Variants in RTF1 observed in about 807,000 individuals in gnomAD.
The protein encoded by RTF1 is RNA polymerase-associated protein RTF1 homolog.
A neutral mutation model predicts 95.7 loss-of-function variants in RTF1; 10 were observed. The observed-to-expected ratio is 0.10, with a 90% confidence interval of 0.06 to 0.18. RTF1 has a LOEUF of 0.18. Among genes scored for constraint, RTF1 ranks in the 10% least tolerant of loss-of-function variants. The pLI, the probability that RTF1 is intolerant of heterozygous loss-of-function variation, is 1.00. For synonymous variants in RTF1, 305 were observed against 311.8 expected (o/e 0.98, Z 0.23); for missense variants, 458 against 875.6 (o/e 0.52, Z 6.02).
chr15:41,465,184 C>T (rs556769650), intron 5 of RTF1, among the ~76,000 whole-genome samples: 74 of 150,854 alleles, frequency 4.9e-4, no homozygotes, highest in Non-Finnish European at 8.9e-4. Flanking sequence ...TTCCTCTTCC[C>T]TTTCCCTGGT....
intron 1 of RTF1, among the ~76,000 whole-genome samples, chr15:41,429,468 A>G (rs978912709): frequency 6.8e-6 from 1 of 146,500 alleles, no homozygotes; most frequent in Non-Finnish European, 1.5e-5. Context: ...CTCTCTTTCC[A>G]GGAGTGCTCT....
chr15:41,422,328 G>A (rs2050606779), intron 1 of RTF1, among the ~76,000 whole-genome samples: 4 of 152,182 alleles, frequency 2.6e-5, no homozygotes, highest in Admixed American at 6.6e-5. Flanking sequence ...TAGTTTGAGA[G>A]TTTGAAAGCT....
In RTF1 at chr15:41,444,448, C is replaced by T. The variant is rs550816092; in HGVS notation, c.309+6017C>T. On this transcript the variant is annotated intron_variant, in intron 2 of 17. Transcript: ENST00000389629. ...AGCTGGGATTACAGGCGCCTGCCAC[C>T]ACGCCCGGCTAACTTTTTGTACTTT... 7.9e-5 allele frequency among the ~76,000 whole-genome samples: 12 copies of T among 152,092 alleles called. No homozygotes were observed. The East Asian group carries it at 1.4e-3, about 17-fold the overall frequency.
At position 41,480,911 on chromosome 15, in the gene RTF1, GC is replaced by G. The variant is rs2050969334; in HGVS notation, c.*226del. The G allele has an allele frequency of 1.8e-6, 1 of 561,230 alleles. No homozygotes were observed. The highest frequency in any genetic ancestry group is 1.9e-5 in the African/African-American group (1 of 53,154). 34.8% of individuals were successfully genotyped at this position (561,230 alleles called of 1,614,324 possible). A position where few individuals can be genotyped will look rare whatever the true frequency, so the allele number is the denominator to read the frequency against. On this transcript the variant is annotated 3_prime_UTR_variant, in exon 18 of 18. Transcript: ENST00000389629. Reference sequence around the variant, plus strand: ...TCCCCCAGGGCCCCACCCAGTGTGGGCCTGGGCTCTCTTGGGCTTTATCCAT... The same window carrying G: ...TCCCCCAGGGCCCCACCCAGTGTGGGCTGGGCTCTCTTGGGCTTTATCCAT...
chr15:41,426,339 T>G (rs1351049063), intron 1 of RTF1, among the ~76,000 whole-genome samples: 3 of 151,332 alleles, frequency 2.0e-5, no homozygotes, highest in Non-Finnish European at 2.9e-5. Flanking sequence ...AGAGTCTCGC[T>G]CTGTCGCCCA....
In RTF1 at chr15:41,474,518, C is replaced by CT. The variant is rs2050932383; in HGVS notation, c.1204-101dup. 8.2e-6 allele frequency: 7 copies of CT among 851,376 alleles called. 1 individual carries two copies. The highest frequency in any genetic ancestry group is 6.8e-5 in the South Asian group (5 of 73,312). The allele number at this position is 851,376 out of a possible 1,614,324, so 52.7% of individuals were successfully genotyped here. On this transcript the variant is annotated intron_variant, in intron 8 of 17. Transcript: ENST00000389629. Reference sequence around the variant, plus strand: ...GCAGCTGTGGACTCTACTCAGCACTCTATCAGTTGTCTGCGTTCAGGTAGA... The same window carrying CT: ...GCAGCTGTGGACTCTACTCAGCACTCTTATCAGTTGTCTGCGTTCAGGTAGA...
intron 12 of RTF1, 94 bp from the exon 13 acceptor site, chr15:41,477,071 A>C: frequency 6.6e-7 from 1 of 1,505,794 alleles, no homozygotes; most frequent in Non-Finnish European, 9.2e-7. Context: ...TCACCACATG[A>C]GATATCTTTG....
chr15:41,445,646 T>C (rs1218297417), intron 2 of RTF1, among the ~76,000 whole-genome samples: 1 of 152,032 alleles, frequency 6.6e-6, no homozygotes, highest in Non-Finnish European at 1.5e-5. Flanking sequence ...CTATTCTTCA[T>C]GTCTTCAGGC....
intron 4 of RTF1, among the ~76,000 whole-genome samples, chr15:41,460,178 A>G (rs1437980387): frequency 6.7e-6 from 1 of 149,460 alleles, no homozygotes; most frequent in Admixed American, 6.7e-5. Context: ...GCTGGAGTGC[A>G]ATGGCACGAT....
chr15:41,449,469 G>A (rs2050779727), intron 2 of RTF1, among the ~76,000 whole-genome samples: 1 of 151,992 alleles, frequency 6.6e-6, no homozygotes, highest in Non-Finnish European at 1.5e-5. Context: ...CTGACCTCGT[G>A]ATCTGCCCAG....
intron 1 of RTF1, among the ~76,000 whole-genome samples, chr15:41,421,448 C>T (rs2050600218): frequency 6.9e-6 from 1 of 144,726 alleles, no homozygotes. Context: ...AAGAGTGAAA[C>T]TCTGTATTAA....
chr15:41,432,118 A>G (rs1177342667), intron 1 of RTF1, among the ~76,000 whole-genome samples: 2 of 149,454 alleles, frequency 1.3e-5, no homozygotes, highest in East Asian at 4.1e-4. Flanking sequence ...TTAATATGGT[A>G]TTTAATGTAG....
chr15:41,447,834 G>A (rs944447867), intron 2 of RTF1, among the ~76,000 whole-genome samples: 1 of 152,154 alleles, frequency 6.6e-6, no homozygotes. Flanking sequence ...CAGTTTGAAG[G>A]TTATAACAGA....
At position 41,480,342 on chromosome 15, in the gene RTF1, C is replaced by A. The variant is rs374706342; in HGVS notation, c.2026+17C>A. On this transcript the variant is annotated intron_variant, in intron 17 of 17. Transcript: ENST00000389629. Reference sequence around the variant, plus strand: ...CCAGCTCAGGTATGTGAGGGTGGGGCGGGTGGTGAGGGCTGAGAACCAGAT... The same window carrying A: ...CCAGCTCAGGTATGTGAGGGTGGGGAGGGTGGTGAGGGCTGAGAACCAGAT... 6 of 1,455,846 alleles carry A rather than the reference C, an allele frequency of 4.1e-6. No individual in the cohort carries two copies. The African/African-American group carries it at 5.6e-5, about 14-fold the overall frequency. 90.2% of individuals were successfully genotyped at this position (1,455,846 alleles called of 1,614,324 possible). A position where few individuals can be genotyped will look rare whatever the true frequency, so the allele number is the denominator to read the frequency against.
intron 6 of RTF1, among the ~76,000 whole-genome samples, chr15:41,468,184 A>ACTCCAGGTTGGAGTGC (rs1566847276): frequency 1.3e-5 from 2 of 151,910 alleles, no homozygotes; most frequent in African/African-American, 4.8e-5. Flanking sequence ...AAGAAAAAGA[A>ACTCCAGGTTGGAGTGC]ATAATAACGT....
At position 41,450,649 on chromosome 15, in the gene RTF1, C is replaced by T. The variant is rs991103933; in HGVS notation, c.310-2252C>T. ...AATGTGAAATGGTTGAAAACTCAGACTTAAAAGGGAAGCATTAGGGCTGTG... is the reference window on the plus strand; with the variant it reads ...AATGTGAAATGGTTGAAAACTCAGATTTAAAAGGGAAGCATTAGGGCTGTG... On this transcript the variant is annotated intron_variant, in intron 2 of 17. Transcript: ENST00000389629. Among the ~76,000 whole-genome samples the T allele has an allele frequency of 2.0e-5, 3 of 149,780 alleles. No individual in the cohort carries two copies. The South Asian group carries it at 6.4e-4, about 32-fold the overall frequency.
intron 1 of RTF1, among the ~76,000 whole-genome samples, chr15:41,434,129 G>C (rs2050689869): frequency 6.7e-6 from 1 of 148,392 alleles, no homozygotes; most frequent in South Asian, 2.1e-4. Flanking sequence ...ACAGGCGTGA[G>C]CCACCACGCC....
intron 8 of RTF1, among the ~76,000 whole-genome samples, chr15:41,473,822 A>C (rs1329712155): frequency 1.3e-5 from 2 of 151,570 alleles, no homozygotes; most frequent in African/African-American, 4.9e-5. Flanking sequence ...GTGGATCACG[A>C]GGTCAGGAGA....
intron 4 of RTF1, among the ~76,000 whole-genome samples, chr15:41,458,105 A>G (rs2050828359): frequency 6.6e-6 from 1 of 152,180 alleles, no homozygotes; most frequent in Non-Finnish European, 1.5e-5. Flanking sequence ...GGTTTTATTC[A>G]TAAGACATTA....
Sources: gnomAD v4.1 joint callset for allele counts (sites outside exome capture counted in the v4.1 genomes callset) on GRCh38, gnomAD v4.1.1 for gene constraint, MANE v1.5 for transcripts, NCBI Gene and HGNC (gene_info 2026-07-23, HGNC 2026-07-21) for gene names.